NTM: variants seen among roughly 807,000 people sequenced by gnomAD.
NTM encodes neurotrimin.
NTM carries 13 observed loss-of-function variants against 42.1 expected under a neutral mutation model. The observed-to-expected ratio is 0.31, with a 90% CI of 0.20 to 0.49. The LOEUF is 0.49. NTM is among the 20% of genes least tolerant of loss of function. NTM has a pLI of 0.99. For synonymous variants in NTM, 187 were observed against 179.2 expected, an observed-to-expected ratio of 1.04 and a Z score of -0.35; for missense variants, 373 against 452.8, an observed-to-expected ratio of 0.82 and a Z score of 1.60.
At chr11:131,488,613 T>C (rs192648613) in intron 1 of NTM, among the ~76,000 whole-genome samples, 2 of 152,076 alleles carry the variant, frequency 1.3e-5, no homozygotes, top group Admixed American at 1.3e-4. Flanking sequence ...GCATACAGGG[T>C]GGGAGGAATT....
intron 1 of NTM, among the ~76,000 whole-genome samples, chr11:131,725,116 A>G (rs2078805440): frequency 6.6e-6 from 1 of 152,154 alleles, no homozygotes; most frequent in African/African-American, 2.4e-5. Context: ...ATGCCTGTTC[A>G]TGGGGTTTAC....
chr11:131,504,318 C>T (rs1591855358), intron 1 of NTM, among the ~76,000 whole-genome samples: 3 of 152,318 alleles, frequency 2.0e-5, no homozygotes, highest in Non-Finnish European at 4.4e-5. Context: ...AAAACATAAA[C>T]ACCTCTCCTC....
intron 1 of NTM, among the ~76,000 whole-genome samples, chr11:131,813,323 A>G (rs2092814801): frequency 6.6e-6 from 1 of 152,174 alleles, no homozygotes; most frequent in Admixed American, 6.5e-5. Flanking sequence ...AAACATATCT[A>G]GTAAGAACCT....
chr11:132,268,666 C>CTG (rs755450370), intron 4 of NTM, among the ~76,000 whole-genome samples: 393 of 88,042 alleles, frequency 4.5e-3, no homozygotes, highest in African/African-American at 0.01. Context: ...TCCTCTCTCT[C>CTG]TCTCTGTGTG....
At chr11:132,216,396 T>G (rs1199784456) in intron 4 of NTM, among the ~76,000 whole-genome samples, 1 of 152,200 alleles carries the variant, frequency 6.6e-6, no homozygotes, top group African/African-American at 2.4e-5. Flanking sequence ...TATCTGTGGG[T>G]GTCACTATCC....
At chr11:132,096,936 G>A (rs1334120556) in intron 2 of NTM, among the ~76,000 whole-genome samples, 1 of 152,166 alleles carries the variant, frequency 6.6e-6, no homozygotes, top group African/African-American at 2.4e-5. Context: ...ATGTTCTCTG[G>A]TGCTGCAGAC....
At chr11:131,966,394 C>T (rs776775050) in intron 2 of NTM, among the ~76,000 whole-genome samples, 17 of 152,060 alleles carry the variant, frequency 1.1e-4, no homozygotes, top group Non-Finnish European at 2.4e-4. Context: ...AAACATAATA[C>T]ATGAATAAAG....
intron 1 of NTM, among the ~76,000 whole-genome samples, chr11:131,425,443 A>G (rs929418055): frequency 1.3e-5 from 2 of 152,208 alleles, no homozygotes; most frequent in African/African-American, 4.8e-5. Context: ...TATACACATT[A>G]AAAGCCCAAC....
At chr11:131,575,725 A>C (rs1415067821) in intron 1 of NTM, among the ~76,000 whole-genome samples, 1 of 152,180 alleles carries the variant, frequency 6.6e-6, no homozygotes, top group South Asian at 2.1e-4. Context: ...AATAAAAATA[A>C]TGGCTTATCC....
chr11:131,955,569 A>G (rs2061468079), intron 2 of NTM, among the ~76,000 whole-genome samples: 1 of 152,242 alleles, frequency 6.6e-6, no homozygotes, highest in Admixed American at 6.5e-5. Context: ...AGGAAAGGTA[A>G]AACATCAAAA....
intron 1 of NTM, among the ~76,000 whole-genome samples, chr11:131,684,081 C>G (rs1238892035): frequency 6.6e-6 from 1 of 152,162 alleles, no homozygotes; most frequent in East Asian, 1.9e-4. Context: ...GATCACTTAA[C>G]CTCGCCTAAC....
chr11:131,659,785 A>C (rs959112209), intron 1 of NTM, among the ~76,000 whole-genome samples: 1 of 152,188 alleles, frequency 6.6e-6, no homozygotes, highest in Non-Finnish European at 1.5e-5. Context: ...CAGCAACAGA[A>C]TCGGGGGACA....
intron 1 of NTM, among the ~76,000 whole-genome samples, chr11:131,895,867 C>A (rs2052184973): frequency 6.6e-6 from 1 of 150,624 alleles, no homozygotes; most frequent in Admixed American, 6.6e-5. Context: ...GGCATCTTGG[C>A]AGAGCAAAAG....
At position 132,148,926 on chromosome 11, in the gene NTM, C is replaced by T. The variant is rs1024245691; in HGVS notation, c.400+2412C>T. Among the ~76,000 whole-genome samples, 5 of 152,120 alleles carry T rather than the reference C, an allele frequency of 3.3e-5. No individual in the cohort carries two copies. The East Asian group carries it at 7.7e-4, about 23-fold the overall frequency. ...TACATCTGTGACTTAGCTAGGTGCC[C>T]TCTCGCATGACACACCACCTCAAGT... On this transcript the variant is annotated intron_variant, in intron 3 of 8. Transcript: ENST00000683400.
intron 2 of NTM, among the ~76,000 whole-genome samples, chr11:131,941,174 A>G (rs2059754840): frequency 1.3e-5 from 2 of 152,250 alleles, no homozygotes; most frequent in Admixed American, 1.3e-4. Flanking sequence ...GTCTGATTCA[A>G]TGCCACTTAT....
Position 131,873,582 on chromosome 11 carries a change from T to C in NTM, c.83-37982T>C, listed in dbSNP as rs1592430102. Among the ~76,000 whole-genome samples, 3 of 45,586 alleles carry C rather than the reference T, an allele frequency of 6.6e-5. 1 individual carries two copies. Among genetic ancestry groups the C allele is most frequent in the African/African-American group, 1.0e-4 (2 of 19,056 alleles). The allele number at this position is 45,586 out of a possible 152,430, so 29.9% of individuals were successfully genotyped here. ...TATACCGTATATATATACATATATA[T>C]ATACCGTATATATATACATATATAT... On this transcript the variant is annotated intron_variant, in intron 1 of 8. Coordinates refer to ENST00000683400, the MANE Select transcript of NTM (RefSeq NM_001352005.2).
At chr11:131,377,676 G>A (rs6590573) in intron 1 of NTM, among the ~76,000 whole-genome samples, 1,549 of 152,278 alleles carry the variant, frequency 0.01, 22 homozygotes, top group African/African-American at 0.035. Context: ...TGTTTTGGGC[G>A]TCACATTGTG....
At chr11:132,292,665 G>C (rs2140018417) in intron 4 of NTM, among the ~76,000 whole-genome samples, 1 of 151,896 alleles carries the variant, frequency 6.6e-6, no homozygotes, top group South Asian at 2.1e-4. Context: ...GATTCATCTA[G>C]GATGGGGTTT....
rs12798641 is a variant in NTM at position 131,878,594 on chromosome 11, A to T, written c.83-32970A>T. Among the ~76,000 whole-genome samples the T allele has an allele frequency of 3.6e-3, 70 of 19,256 alleles. 2 individuals carry two copies. The highest frequency in any genetic ancestry group is 5.1e-3 in the Admixed American group (5 of 986). 12.6% of individuals were successfully genotyped at this position (19,256 alleles called of 152,430 possible). ...CAAAAAAAAAAAAAAAAAAAAAAAA[A>T]ATATATATATATATATATATATATA... On this transcript the variant is annotated intron_variant, in intron 1 of 8. Transcript: ENST00000683400.
Sources: allele counts gnomAD v4.1 joint callset (sites outside exome capture counted in the v4.1 genomes callset), GRCh38; gene constraint gnomAD v4.1.1; transcripts MANE v1.5; gene names NCBI Gene and HGNC (gene_info 2026-07-23, HGNC 2026-07-21).